HENMT1: variants seen among roughly 807,000 people sequenced by gnomAD.
HENMT1 encodes small RNA 2'-O-methyltransferase.
HENMT1 carries 27 observed loss-of-function variants against 31.1 expected under a neutral mutation model. The observed-to-expected ratio is 0.87, with a 90% CI of 0.64 to 1.20. HENMT1 has a LOEUF of 1.20. HENMT1 is among the 50% of genes most tolerant of loss of function. The pLI is 0.00. For synonymous variants in HENMT1, 167 were observed against 172.2 expected (o/e 0.97, Z 0.24); for missense variants, 438 against 469.6 (o/e 0.93, Z 0.62).
At chr1:108,649,597 CAGAACA>C (rs1261067472) in intron 7 of HENMT1, among the ~76,000 whole-genome samples, 1 of 152,142 alleles carries the variant, frequency 6.6e-6, no homozygotes, top group Non-Finnish European at 1.5e-5. Flanking sequence ...GCCTCGGTGA[CAGAACA>C]AGACCCTGTC....
chr1:108,649,261 T>C, intron 7 of HENMT1: 1 of 570,952 alleles, frequency 1.8e-6, no homozygotes, highest in Non-Finnish European at 3.3e-6. Context: ...TTCTACTTGA[T>C]ATTACAGGGG....
At chr1:108,661,429 C>T (rs1215910771), upstream of HENMT1, 1 of 152,328 alleles carries the variant, frequency 6.6e-6, no homozygotes, top group Non-Finnish European at 1.5e-5. Context: ...TGGCGAAGGC[C>T]CCCAACTCCG....
intron 5 of HENMT1, among the ~76,000 whole-genome samples, chr1:108,654,449 T>C (rs1183165421): frequency 6.6e-6 from 1 of 152,052 alleles, no homozygotes; most frequent in African/African-American, 2.4e-5. Flanking sequence ...GAGGGTGCAA[T>C]GTACAAATGA....
intron 7 of HENMT1, chr1:108,649,439 G>A (rs1557737848): frequency 3.6e-5 from 15 of 412,222 alleles, no homozygotes; most frequent in Admixed American, 8.6e-5. Flanking sequence ...TGTCTCTACG[G>A]AAAAAAAAAC....
Position 108,648,497 on chromosome 1 carries a change from A to G in HENMT1, c.*69T>C. On this transcript the variant is annotated 3_prime_UTR_variant, in exon 8 of 8. Coordinates refer to ENST00000651461, the MANE Select transcript of HENMT1 (RefSeq NM_001102592.2). ...AACATTACTTGAATTAGGATTACAC[A>G]AAAAAAACTAAATTCTAAGTGAGCA... 1 of 1,349,868 alleles carries G rather than the reference A, an allele frequency of 7.4e-7. No individual in the cohort carries two copies. Among genetic ancestry groups the G allele is most frequent in the African/African-American group, 1.5e-5 (1 of 67,674 alleles). 83.6% of individuals were successfully genotyped at this position (1,349,868 alleles called of 1,614,324 possible). A position where few individuals can be genotyped will look rare whatever the true frequency, so the allele number is the denominator to read the frequency against.
At chr1:108,653,141 G>A (rs1658110462) in intron 5 of HENMT1, among the ~76,000 whole-genome samples, 1 of 151,272 alleles carries the variant, frequency 6.6e-6, no homozygotes, top group African/African-American at 2.4e-5. Flanking sequence ...AGCCTCCCAA[G>A]TAGCTGGGAT....
intron 5 of HENMT1, among the ~76,000 whole-genome samples, chr1:108,654,376 C>T (rs1178279395): frequency 6.6e-6 from 1 of 151,944 alleles, no homozygotes; most frequent in Non-Finnish European, 1.5e-5. Flanking sequence ...TGTGTATACC[C>T]TTAATTGATT....
chr1:108,651,236 A>T (rs758339785), intron 5 of HENMT1, 27 bp from the exon 6 acceptor site: 2 of 1,577,068 alleles, frequency 1.3e-6, no homozygotes, highest in Non-Finnish European at 1.7e-6. Flanking sequence ...GAAAGACATA[A>T]TAAAATCTAG....
chr1:108,649,402 A>T (rs1436432112), intron 7 of HENMT1: 1 of 457,626 alleles, frequency 2.2e-6, no homozygotes, highest in African/African-American at 2.0e-5. Flanking sequence ...GAAGTTCAAG[A>T]CCAGCCTGGG....
Position 108,648,375 on chromosome 1 carries a change from C to T in HENMT1, c.*191G>A. The T allele has an allele frequency of 3.5e-6, 2 of 565,062 alleles. No individual in the cohort carries two copies. The highest frequency in any genetic ancestry group is 6.2e-6 in the Non-Finnish European group (2 of 322,982). 35.0% of individuals were successfully genotyped at this position (565,062 alleles called of 1,614,324 possible). A position where few individuals can be genotyped will look rare whatever the true frequency, so the allele number is the denominator to read the frequency against. On this transcript the variant is annotated 3_prime_UTR_variant, in exon 8 of 8. Coordinates refer to ENST00000651461, the MANE Select transcript of HENMT1 (RefSeq NM_001102592.2). ...ATCAAAGGAAAGCACCCGTTTTAAA[C>T]CCTCATATCTTTCTCAGGGCTCACT...
intron 3 of HENMT1, among the ~76,000 whole-genome samples, chr1:108,656,283 G>T (rs188291856): frequency 6.6e-6 from 1 of 152,168 alleles, no homozygotes; most frequent in East Asian, 1.9e-4. Context: ...CAGTAGTGGT[G>T]GAGTTAAGGG....
At chr1:108,655,975 CTGTTAT>C (rs1172834354) in intron 3 of HENMT1, among the ~76,000 whole-genome samples, 1 of 151,888 alleles carries the variant, frequency 6.6e-6, no homozygotes, top group African/African-American at 2.4e-5. Context: ...TCCAGAACAA[CTGTTAT>C]TGTCTATATT....
intron 2 of HENMT1, among the ~76,000 whole-genome samples, chr1:108,658,614 T>C (rs1658342426): frequency 6.6e-6 from 1 of 152,204 alleles, no homozygotes; most frequent in Admixed American, 6.5e-5. Context: ...CTCTGAGCCA[T>C]CTTCTTGAAT....
chr1:108,653,849 A>T (rs189675303), intron 5 of HENMT1, among the ~76,000 whole-genome samples: 1 of 152,094 alleles, frequency 6.6e-6, no homozygotes, highest in Non-Finnish European at 1.5e-5. Flanking sequence ...CTCCCATTCT[A>T]TAGGTTCTGT....
At chr1:108,650,434 T>TG in intron 6 of HENMT1, 46 bp from the exon 7 acceptor site, 1 of 1,529,008 alleles carries the variant, frequency 6.5e-7, no homozygotes, top group East Asian at 2.3e-5. Flanking sequence ...AATGTAGAGC[T>TG]ACTGTTAAAT....
chr1:108,651,734 G>A (rs1445115983), intron 5 of HENMT1, among the ~76,000 whole-genome samples: 1 of 142,800 alleles, frequency 7.0e-6, no homozygotes, highest in Non-Finnish European at 1.5e-5. Context: ...GAAAGAGAGA[G>A]AAGAGAAGAG....
intron 3 of HENMT1, among the ~76,000 whole-genome samples, chr1:108,657,027 AG>A (rs1471954423): frequency 1.3e-5 from 2 of 152,220 alleles, no homozygotes; most frequent in African/African-American, 4.8e-5. Context: ...CATAAAACTT[AG>A]ATAAGATTCC....
chr1:108,659,943 G>A lies in HENMT1; in HGVS notation c.-59C>T. 1 of 1,562,294 alleles carries A rather than the reference G, an allele frequency of 6.4e-7. No individual in the cohort carries two copies. The highest frequency in any genetic ancestry group is 8.7e-7 in the Non-Finnish European group (1 of 1,155,934). ...GATTTATCCTTCAAGCTCTATTTGAGAGAATCAGCACTGACTCAGCTGTAA... is the reference window on the plus strand; with the variant it reads ...GATTTATCCTTCAAGCTCTATTTGAAAGAATCAGCACTGACTCAGCTGTAA... On this transcript the variant is annotated 5_prime_UTR_variant, in exon 2 of 8. Coordinates refer to ENST00000651461, the MANE Select transcript of HENMT1 (RefSeq NM_001102592.2).
chr1:108,661,020 A>T lies in HENMT1; in HGVS notation c.-136T>A. The T allele has an allele frequency of 1.0e-6, 1 of 985,106 alleles. No individual in the cohort carries two copies. The highest frequency in any genetic ancestry group is 1.2e-6 in the Non-Finnish European group (1 of 829,706). 61.0% of individuals were successfully genotyped at this position (985,106 alleles called of 1,614,324 possible). A position where few individuals can be genotyped will look rare whatever the true frequency, so the allele number is the denominator to read the frequency against. ...TCGCTTCCATCATCCTGCGGTAAGC[A>T]GCATGCCCAACCGAAAAAACAAAGC... On this transcript the variant is annotated 5_prime_UTR_variant, in exon 1 of 8. Transcript: ENST00000651461.
Sources: gnomAD v4.1 joint callset for allele counts (sites outside exome capture counted in the v4.1 genomes callset) on GRCh38, gnomAD v4.1.1 for gene constraint, MANE v1.5 for transcripts, NCBI Gene and HGNC (gene_info 2026-07-23, HGNC 2026-07-21) for gene names.